TMEM74: variants seen among roughly 807,000 people sequenced by gnomAD.
TMEM74 encodes the protein transmembrane protein 74.
A neutral mutation model predicts 18.1 loss-of-function variants in TMEM74; 13 were observed. The observed-to-expected ratio is 0.72, with a 90% CI of 0.47 to 1.14. The LOEUF (loss-of-function observed/expected upper bound fraction) is 1.14, where lower values mean the gene tolerates loss of function less well. TMEM74 is among the 50% of genes most tolerant of loss of function. The pLI is 0.00. For synonymous variants in TMEM74, 159 were observed against 146.6 expected, an observed-to-expected ratio of 1.08 and a Z score of -0.61; for missense variants, 372 against 375.9, an observed-to-expected ratio of 0.99 and a Z score of 0.09.
chr8:108,747,202 T>C (rs899483360), intron 1 of TMEM74, among the ~76,000 whole-genome samples: 7 of 151,948 alleles, frequency 4.6e-5, no homozygotes, highest in Non-Finnish European at 1.0e-4. Context: ...TTGAGTCAAA[T>C]TTTGGGACAC....
At chr8:108,672,411 A>G (rs960306293) in intron 1 of TMEM74, among the ~76,000 whole-genome samples, 13 of 152,194 alleles carry the variant, frequency 8.5e-5, no homozygotes, top group African/African-American at 3.1e-4. Flanking sequence ...ATGTAGATGA[A>G]ATCAGGGAAA....
chr8:108,614,892 A>G (rs138092240), intron 2 of TMEM74, among the ~76,000 whole-genome samples: 158 of 152,356 alleles, frequency 1.0e-3, no homozygotes, highest in African/African-American at 3.6e-3. Flanking sequence ...TGTTAGTAGT[A>G]TAATGTAATT....
intron 2 of TMEM74, among the ~76,000 whole-genome samples, chr8:108,644,049 T>A (rs3019402): frequency 0.19 from 28,472 of 151,948 alleles, 2,722 homozygotes; most frequent in East Asian, 0.27. Flanking sequence ...GACAAAGCAA[T>A]CTCAAGCAAA....
At chr8:108,753,345 G>A (rs532555295) in intron 1 of TMEM74, among the ~76,000 whole-genome samples, 10 of 152,024 alleles carry the variant, frequency 6.6e-5, no homozygotes, top group African/African-American at 2.4e-4. Flanking sequence ...TCCCCCAGTA[G>A]GTATTTTTCT....
chr8:108,782,751 A>G lies in TMEM74; in HGVS notation c.*1430T>C, dbSNP rs990690673. The stretch of plus-strand genomic sequence containing the variant: ...ATTCCCAGCTCCTGTCCTCTTTTTA[A>G]GAATGACCCCCTGATCCTGGTAACA... On this transcript the variant is annotated 3_prime_UTR_variant, in exon 2 of 2. Coordinates refer to ENST00000297459, the MANE Select transcript of TMEM74 (RefSeq NM_153015.3). Among the ~76,000 whole-genome samples, 2 of 152,234 alleles carry G rather than the reference A, an allele frequency of 1.3e-5. No homozygotes were observed. The highest frequency in any genetic ancestry group is 4.8e-5 in the African/African-American group (2 of 41,460).
intron 1 of TMEM74, among the ~76,000 whole-genome samples, chr8:108,706,072 G>A (rs1049642488): frequency 2.0e-5 from 3 of 152,188 alleles, no homozygotes; most frequent in South Asian, 2.1e-4. Context: ...GCCAATGGCC[G>A]CAGGTGCTGA....
At chr8:108,669,155 A>G (rs1373094664) in intron 1 of TMEM74, among the ~76,000 whole-genome samples, 1 of 152,080 alleles carries the variant, frequency 6.6e-6, no homozygotes, top group Non-Finnish European at 1.5e-5. Context: ...TAGGGGACTT[A>G]TAGATCTCTC....
intron 1 of TMEM74, among the ~76,000 whole-genome samples, chr8:108,764,802 A>G (rs1388724320): frequency 6.6e-6 from 1 of 152,124 alleles, no homozygotes; most frequent in Non-Finnish European, 1.5e-5. Flanking sequence ...TGGCTGCTAA[A>G]AATGCTTGTA....
chr8:108,725,906 A>G (rs1366255504), intron 1 of TMEM74, among the ~76,000 whole-genome samples: 1 of 152,202 alleles, frequency 6.6e-6, no homozygotes, highest in Non-Finnish European at 1.5e-5. Flanking sequence ...GGAAGTACTA[A>G]TATGTAATTA....
chr8:108,669,242 T>C (rs776723058), intron 1 of TMEM74, among the ~76,000 whole-genome samples: 6 of 152,144 alleles, frequency 3.9e-5, no homozygotes, highest in Non-Finnish European at 8.8e-5. Context: ...CCTCAAAGCA[T>C]TATTTTCTTT....
intron 1 of TMEM74, among the ~76,000 whole-genome samples, chr8:108,710,459 C>T (rs1350043349): frequency 6.6e-6 from 1 of 152,198 alleles, no homozygotes; most frequent in Non-Finnish European, 1.5e-5. Flanking sequence ...TTGTCAGGTT[C>T]ACAACTAAGC....
intron 2 of TMEM74, among the ~76,000 whole-genome samples, chr8:108,654,391 G>A (rs898296113): frequency 6.6e-6 from 1 of 152,222 alleles, no homozygotes; most frequent in African/African-American, 2.4e-5. Flanking sequence ...TTAAATTATA[G>A]AAATTAGTTA....
intron 1 of TMEM74, among the ~76,000 whole-genome samples, chr8:108,748,005 A>G (rs1281939798): frequency 6.6e-6 from 1 of 152,150 alleles, no homozygotes; most frequent in Non-Finnish European, 1.5e-5. Context: ...GTTATTGTGA[A>G]TAGTGCTGCA....
At chr8:108,697,240 A>C (rs1164816918) in intron 1 of TMEM74, among the ~76,000 whole-genome samples, 1 of 152,068 alleles carries the variant, frequency 6.6e-6, no homozygotes, top group Non-Finnish European at 1.5e-5. Context: ...GGATTCTTTA[A>C]CCCAGAGCTT....
chr8:108,624,028 A>G (rs1008959367), intron 2 of TMEM74, among the ~76,000 whole-genome samples: 2 of 152,128 alleles, frequency 1.3e-5, no homozygotes, highest in Admixed American at 6.6e-5. Flanking sequence ...AGCCATAGTC[A>G]GATTTCCCAG....
chr8:108,668,238 C>A (rs1271442437), intron 1 of TMEM74, among the ~76,000 whole-genome samples: 2 of 151,978 alleles, frequency 1.3e-5, no homozygotes, highest in African/African-American at 4.8e-5. Flanking sequence ...TATAATTATC[C>A]CTCTTTTAGA....
intron 1 of TMEM74, among the ~76,000 whole-genome samples, chr8:108,713,760 GA>G (rs1171653377): frequency 6.6e-6 from 1 of 152,184 alleles, no homozygotes; most frequent in Non-Finnish European, 1.5e-5. Context: ...CACAATTATG[GA>G]GGCTGAGAAG....
Position 108,652,763 on chromosome 8 carries a change from G to C in TMEM74, n.264+2530C>G, listed in dbSNP as rs915014809. The C allele has an allele frequency of 4.0e-5, 21 of 530,970 alleles. No individual in the cohort carries two copies. The East Asian group carries it at 4.1e-4, about 10-fold the overall frequency. 32.9% of individuals were successfully genotyped at this position (530,970 alleles called of 1,614,324 possible). On this transcript the variant is annotated intron_variant and non_coding_transcript_variant, in intron 2 of 3. Coordinates refer to the TMEM74 transcript ENST00000518838. ...TGGAAGACAAACACTCAGGACAAAG[G>C]CTGTGTATCAATTTGAGTATGACCC...
chr8:108,634,633 G>A (rs1812589076), intron 2 of TMEM74, among the ~76,000 whole-genome samples: 1 of 151,932 alleles, frequency 6.6e-6, no homozygotes, highest in Non-Finnish European at 1.5e-5. Flanking sequence ...CTGATTTTCA[G>A]GGGACTCTTC....
Sources: gnomAD v4.1 joint callset for allele counts (sites outside exome capture counted in the v4.1 genomes callset) on GRCh38, gnomAD v4.1.1 for gene constraint, MANE v1.5 for transcripts, NCBI Gene and HGNC (gene_info 2026-07-23, HGNC 2026-07-21) for gene names.